CSMD1: variants seen among roughly 807,000 people sequenced by gnomAD.
The protein encoded by CSMD1 is CUB and Sushi multiple domains 1.
Under a neutral mutation model 417.5 loss-of-function variants are expected in CSMD1, and 213 were observed. The observed-to-expected ratio is 0.51, with a 90% CI of 0.46 to 0.57. CSMD1 has a LOEUF of 0.57. CSMD1 is among the 20% of genes least tolerant of loss of function. The pLI is 0.00. For synonymous variants in CSMD1, 2,862 were observed against 1,736.8 expected (o/e 1.65, Z -16.11); for missense variants, 6,923 against 4,529.7 (o/e 1.53, Z -15.17).
intron 1 of CSMD1, among the ~76,000 whole-genome samples, chr8:4,639,580 T>C (rs2130864371): frequency 6.6e-6 from 1 of 152,354 alleles, no homozygotes; most frequent in Non-Finnish European, 1.5e-5. Flanking sequence ...TTAAATGTTT[T>C]GACACTAAAA....
At chr8:3,057,618 G>A (rs1227335807) in intron 49 of CSMD1, among the ~76,000 whole-genome samples, 2 of 152,034 alleles carry the variant, frequency 1.3e-5, no homozygotes, top group East Asian at 3.9e-4. Flanking sequence ...AAGCCTATTA[G>A]ATACAAACGT....
intron 25 of CSMD1, among the ~76,000 whole-genome samples, chr8:3,291,873 T>A (rs1185074544): frequency 1.8e-4 from 28 of 152,278 alleles, no homozygotes; most frequent in Admixed American, 1.6e-3. Context: ...TGCTAGCTTT[T>A]GAATGTGTTT....
At chr8:3,898,678 T>A (rs1807525179) in intron 5 of CSMD1, among the ~76,000 whole-genome samples, 1 of 152,212 alleles carries the variant, frequency 6.6e-6, no homozygotes, top group African/African-American at 2.4e-5. Context: ...TGTTGGTTTG[T>A]TTCTCATTCA....
intron 7 of CSMD1, among the ~76,000 whole-genome samples, chr8:3,693,621 A>C (rs998261318): frequency 6.6e-6 from 1 of 152,230 alleles, no homozygotes; most frequent in East Asian, 1.9e-4. Flanking sequence ...GAGAGACAAT[A>C]AACAAAATAA....
In CSMD1 at chr8:3,136,456, G is replaced by A. The variant is rs552386042; in HGVS notation, c.6241+6009C>T. ...GTATTTGTATTTTTAGTAGAAACGG[G>A]GTTTCACCATGTTGGCCAGGCTGAT... On this transcript the variant is annotated intron_variant, in intron 41 of 69. Transcript: ENST00000635120. Among the ~76,000 whole-genome samples, 10 of 151,930 alleles carry A rather than the reference G, an allele frequency of 6.6e-5. No individual in the cohort carries two copies. The East Asian group carries it at 1.9e-3, about 29-fold the overall frequency.
At chr8:3,576,227 G>C (rs922175938) in intron 9 of CSMD1, among the ~76,000 whole-genome samples, 2 of 151,482 alleles carry the variant, frequency 1.3e-5, no homozygotes, top group African/African-American at 4.9e-5. Flanking sequence ...GTTTTCCAAA[G>C]GGACTCAAGA....
chr8:3,297,049 T>G, intron 25 of CSMD1, among the ~76,000 whole-genome samples: 1 of 152,212 alleles, frequency 6.6e-6, no homozygotes, highest in East Asian at 1.9e-4. Flanking sequence ...CTATGGATTC[T>G]GAAGTACCTG....
chr8:4,652,282 G>C (rs760472459), intron 1 of CSMD1, among the ~76,000 whole-genome samples: 1 of 152,158 alleles, frequency 6.6e-6, no homozygotes, highest in Admixed American at 6.6e-5. Context: ...TATACTTCGA[G>C]ACCAGGAATA....
chr8:3,814,358 C>T (rs981979892), intron 5 of CSMD1, among the ~76,000 whole-genome samples: 1 of 152,040 alleles, frequency 6.6e-6, no homozygotes, highest in Non-Finnish European at 1.5e-5. Flanking sequence ...ATCTTTGACT[C>T]TAGATGGCTT....
At chr8:3,439,300 TATATATATA>T (rs201239559) in intron 12 of CSMD1, among the ~76,000 whole-genome samples, 829 of 57,602 alleles carry the variant, frequency 0.014, 28 homozygotes, top group East Asian at 0.036. Flanking sequence ...TATATATATA[TATATATATA>T]TTTTTTTTTT....
chr8:3,572,150 C>T (rs937459451), intron 10 of CSMD1, among the ~76,000 whole-genome samples: 5 of 152,124 alleles, frequency 3.3e-5, no homozygotes, highest in Non-Finnish European at 5.9e-5. Context: ...GTTTTCTGCC[C>T]GACCCATTAC....
intron 8 of CSMD1, among the ~76,000 whole-genome samples, chr8:3,608,536 G>T (rs973154389): frequency 6.6e-6 from 1 of 152,106 alleles, no homozygotes; most frequent in Non-Finnish European, 1.5e-5. Context: ...GGCCAAGGTG[G>T]GTGGATCACG....
intron 1 of CSMD1, among the ~76,000 whole-genome samples, chr8:4,874,938 T>C (rs898159110): frequency 2.6e-5 from 4 of 151,312 alleles, no homozygotes; most frequent in Admixed American, 2.0e-4. Context: ...AGCTTTATTT[T>C]TCATTTCATT....
At chr8:4,284,513 A>G (rs1049290547) in intron 3 of CSMD1, among the ~76,000 whole-genome samples, 5 of 151,982 alleles carry the variant, frequency 3.3e-5, no homozygotes, top group African/African-American at 1.2e-4. Flanking sequence ...ATGCCTTCCC[A>G]TATGGTATAG....
rs1054435687 is a variant in CSMD1, at chr8:4,004,413, C to T, written c.611-6303G>A. Reference sequence around the variant, plus strand: ...GTTTTTGTTTTAAAATAAATTCTGCCATGAATCTTTTTTTTTTTTTTAAAG... The same window carrying T: ...GTTTTTGTTTTAAAATAAATTCTGCTATGAATCTTTTTTTTTTTTTTAAAG... On this transcript the variant is annotated intron_variant, in intron 4 of 69. Transcript: ENST00000635120. 4.0e-4 allele frequency among the ~76,000 whole-genome samples: 58 copies of T among 144,732 alleles called. No individual in the cohort carries two copies. In the Middle Eastern group the frequency reaches 0.015, roughly 37 times the overall value. The allele number at this position is 144,732 out of a possible 152,430, so 94.9% of individuals were successfully genotyped here.
At chr8:4,569,303 C>G (rs748926612) in intron 2 of CSMD1, among the ~76,000 whole-genome samples, 6 of 152,160 alleles carry the variant, frequency 3.9e-5, no homozygotes, top group African/African-American at 1.2e-4. Context: ...TTTAATCCAT[C>G]TTGAGTTAAT....
At chr8:4,280,185 C>G (rs1043269949) in intron 3 of CSMD1, among the ~76,000 whole-genome samples, 1 of 152,168 alleles carries the variant, frequency 6.6e-6, no homozygotes, top group African/African-American at 2.4e-5. Context: ...TTACCATGGC[C>G]TATTTCTTAA....
intron 2 of CSMD1, among the ~76,000 whole-genome samples, chr8:4,580,444 T>A (rs899879595): frequency 6.6e-5 from 10 of 152,178 alleles, no homozygotes; most frequent in Admixed American, 1.3e-4. Flanking sequence ...AACTATTGCA[T>A]CCACTTTACA....
At chr8:4,372,260 T>C (rs749901737) in intron 3 of CSMD1, among the ~76,000 whole-genome samples, 5 of 152,194 alleles carry the variant, frequency 3.3e-5, no homozygotes, top group Non-Finnish European at 7.3e-5. Flanking sequence ...ATACATAACG[T>C]CGGCTCTCCA....
Sources: gnomAD v4.1 joint callset for allele counts (sites outside exome capture counted in the v4.1 genomes callset) on GRCh38, gnomAD v4.1.1 for gene constraint, MANE v1.5 for transcripts, NCBI Gene and HGNC (gene_info 2026-07-23, HGNC 2026-07-21) for gene names.